MYO1E: variants seen among roughly 807,000 people sequenced by gnomAD.
The protein encoded by MYO1E is unconventional myosin-Ie.
In MYO1E, 68 loss-of-function variants were observed where a neutral mutation model predicts 151.1. The observed-to-expected ratio is 0.45, with a 90% CI of 0.37 to 0.55. The LOEUF (loss-of-function observed/expected upper bound fraction) is 0.55, where lower values mean the gene tolerates loss of function less well. MYO1E is among the 20% of genes least tolerant of loss of function. The pLI is 0.00. For synonymous variants in MYO1E, 601 were observed against 501.7 expected (o/e 1.20, Z -2.64); for missense variants, 1,363 against 1,389.3 (o/e 0.98, Z 0.30).
intron 1 of MYO1E, among the ~76,000 whole-genome samples, chr15:59,365,519 G>T (rs1326367844): frequency 6.6e-6 from 1 of 152,056 alleles, no homozygotes; most frequent in East Asian, 1.9e-4. Context: ...GATCTAACTT[G>T]GATTCTGGCA....
intron 3 of MYO1E, among the ~76,000 whole-genome samples, chr15:59,257,421 T>C (rs576908796): frequency 3.2e-4 from 48 of 152,172 alleles, no homozygotes; most frequent in African/African-American, 7.7e-4. Context: ...TGAGCTACAA[T>C]TGTGGGAATA....
intron 26 of MYO1E, among the ~76,000 whole-genome samples, chr15:59,143,015 A>G (rs1381168773): frequency 6.6e-6 from 1 of 151,890 alleles, no homozygotes; most frequent in Admixed American, 6.6e-5. Context: ...AAGATACCAA[A>G]TTATAAATAA....
chr15:59,142,300 T>C lies in MYO1E; in HGVS notation c.3081-3933A>G, dbSNP rs552615908. On this transcript the variant is annotated intron_variant, in intron 26 of 27. Coordinates refer to ENST00000288235, the MANE Select transcript of MYO1E (RefSeq NM_004998.4). ...CAGGGAAAAACCCTAGTGTCCTTAG[T>C]GTAGACTGACAAGGTCTCTGGAGCC... 2.4e-4 allele frequency among the ~76,000 whole-genome samples: 36 copies of C among 152,238 alleles called. No homozygotes were observed. In the South Asian group the frequency reaches 5.0e-3, roughly 21 times the overall value.
At chr15:59,254,489 G>A (rs2080183065) in intron 4 of MYO1E, among the ~76,000 whole-genome samples, 1 of 152,086 alleles carries the variant, frequency 6.6e-6, no homozygotes, top group South Asian at 2.1e-4. Context: ...CTTGACCTTG[G>A]AAATGAATCT....
At chr15:59,161,358 G>A in intron 23 of MYO1E, 128 bp from the exon 24 acceptor site, 2 of 1,070,852 alleles carry the variant, frequency 1.9e-6, no homozygotes, top group South Asian at 1.6e-5. Context: ...ATCTACACCA[G>A]GAGCAGGGCC....
intron 2 of MYO1E, among the ~76,000 whole-genome samples, chr15:59,268,720 A>ATTTGTTTTTTTTTTTTTTTTTTTTTTTT (rs2080271356): frequency 4.5e-5 from 2 of 44,906 alleles, no homozygotes; most frequent in African/African-American, 1.2e-4. Context: ...TGACTTTGGT[A>ATTTGTTTTTTTTTTTTTTTTTTTTTTTT]TTTTTTTTTT....
chr15:59,213,139 A>ATTTT (rs377633115), intron 12 of MYO1E, among the ~76,000 whole-genome samples: 3 of 26,088 alleles, frequency 1.1e-4, no homozygotes, highest in Non-Finnish European at 1.8e-4. Context: ...CTATTTATTT[A>ATTTT]TTATTATTAT....
chr15:59,346,227 G>A (rs1290040981), intron 1 of MYO1E, among the ~76,000 whole-genome samples: 2 of 151,998 alleles, frequency 1.3e-5, no homozygotes, highest in East Asian at 1.9e-4. Context: ...TCCAGCCCCC[G>A]ACCAGGGACC....
chr15:59,331,924 A>G (rs1040638231), intron 1 of MYO1E, among the ~76,000 whole-genome samples: 3 of 152,248 alleles, frequency 2.0e-5, no homozygotes, highest in Non-Finnish European at 2.9e-5. Flanking sequence ...GATATTCAAA[A>G]GAGATGAAAG....
intron 15 of MYO1E, 44 bp downstream of exon 15, chr15:59,205,356 C>T: frequency 1.3e-6 from 2 of 1,579,270 alleles, no homozygotes; most frequent in Non-Finnish European, 1.7e-6. Context: ...TTGAAAATTT[C>T]ATCAAACCTA....
At chr15:59,213,132 TTTATTTATTA>T (rs1268439412) in intron 12 of MYO1E, among the ~76,000 whole-genome samples, 7 of 122,376 alleles carry the variant, frequency 5.7e-5, no homozygotes, top group African/African-American at 2.0e-4. Context: ...CACTGAACTA[TTTATTTATTA>T]TTATTATTAT....
At chr15:59,210,270 T>C (rs1303241744) in intron 13 of MYO1E, among the ~76,000 whole-genome samples, 3 of 152,170 alleles carry the variant, frequency 2.0e-5, no homozygotes, top group Non-Finnish European at 2.9e-5. Flanking sequence ...TGTCTTCTCT[T>C]AGAATTCAAT....
chr15:59,178,477 G>T lies in MYO1E; in HGVS notation c.1965C>A (p.Val655=). Residue 655 remains valine (V), a synonymous_variant, in exon 19 of 28, where the codon GTC becomes GTA. Coordinates refer to ENST00000288235, the MANE Select transcript of MYO1E (RefSeq NM_004998.4). ...TGTTGACCGACTGCAGCAGGTGCAG[G>T]ACGCCTTGCTTCTCCTCTCCCTGCC... ...PSWQGEEKQG[V]LHLLQSVNMD... is the part of the protein sequence containing the mutation. 6.2e-7 allele frequency: 1 copy of T among 1,614,204 alleles called. No individual in the cohort carries two copies. Among genetic ancestry groups the T allele is most frequent in the Non-Finnish European group, 8.5e-7 (1 of 1,180,026 alleles).
At chr15:59,273,751 A>G (rs2080302097) in intron 1 of MYO1E, among the ~76,000 whole-genome samples, 8 of 152,216 alleles carry the variant, frequency 5.3e-5, no homozygotes. Context: ...CAAATATTAC[A>G]TGACAATATT....
intron 2 of MYO1E, among the ~76,000 whole-genome samples, chr15:59,265,154 A>G (rs2080245904): frequency 6.6e-6 from 1 of 152,224 alleles, no homozygotes; most frequent in South Asian, 2.1e-4. Context: ...GTCTACATCT[A>G]TCCCCAGGGA....
intron 1 of MYO1E, among the ~76,000 whole-genome samples, chr15:59,356,751 T>C (rs1370952079): frequency 6.6e-6 from 1 of 152,102 alleles, no homozygotes; most frequent in African/African-American, 2.4e-5. Flanking sequence ...CTATTTTCTG[T>C]ATTGGCAGGT....
At position 59,174,322 on chromosome 15, in the gene MYO1E, C is replaced by T. The variant is rs2079612223; in HGVS notation, c.2050-82G>A. Reference sequence around the variant, plus strand: ...ACACTTTTCTTGTTATTCCAGGGACCCTCAGTTTAGACAATGACACACACG... The same window carrying T: ...ACACTTTTCTTGTTATTCCAGGGACTCTCAGTTTAGACAATGACACACACG... On this transcript the variant is annotated intron_variant, in intron 19 of 27. Transcript: ENST00000288235. 34 of 1,005,712 alleles carry T rather than the reference C, an allele frequency of 3.4e-5. No individual in the cohort carries two copies. In the Admixed American group the frequency reaches 5.8e-4, roughly 17 times the overall value. The allele number at this position is 1,005,712 out of a possible 1,614,324, so 62.3% of individuals were successfully genotyped here.
chr15:59,342,752 C>T (rs2080773038), intron 1 of MYO1E, among the ~76,000 whole-genome samples: 1 of 152,038 alleles, frequency 6.6e-6, no homozygotes, highest in Non-Finnish European at 1.5e-5. Flanking sequence ...ATTTTAAATT[C>T]TTCCTTTTTA....
rs1302511023 is a variant in MYO1E at position 59,350,737 on chromosome 15, A to T, written c.3+21761T>A. On this transcript the variant is annotated intron_variant, in intron 1 of 27. Coordinates refer to ENST00000288235, the MANE Select transcript of MYO1E (RefSeq NM_004998.4). This position sits in a 1 kb window ranked among gnomAD's most constrained non-coding sequence, Gnocchi z 5.0. ...GGGCTGTAAGAGACTGTGTGAAAAC[A>T]GATAACAATGCAAGATGACATAGTT... is the stretch of plus-strand genomic sequence containing the variant. Among the ~76,000 whole-genome samples the T allele has an allele frequency of 6.6e-6, 1 of 152,248 alleles. No individual in the cohort carries two copies. The highest frequency in any genetic ancestry group is 1.5e-5 in the Non-Finnish European group (1 of 68,032).
Sources: allele counts gnomAD v4.1 joint callset (sites outside exome capture counted in the v4.1 genomes callset), GRCh38; gene constraint gnomAD v4.1.1; non-coding constraint Gnocchi (gnomAD v3.1); transcripts MANE v1.5; gene names NCBI Gene and HGNC (gene_info 2026-07-23, HGNC 2026-07-21).